DENND1B: variants seen among roughly 807,000 people sequenced by gnomAD.
DENND1B encodes the protein DENN domain containing 1B.
Under a neutral mutation model 90.1 loss-of-function variants are expected in DENND1B, and 59 were observed. The observed-to-expected ratio is 0.65, with a 90% CI of 0.53 to 0.81. The LOEUF is 0.81. Ranked by LOEUF, DENND1B falls within the 40% of genes least tolerant of loss-of-function variation. DENND1B has a pLI of 0.00. For missense variants in DENND1B, 862 were observed against 912.6 expected (o/e 0.94, Z 0.71); for synonymous variants, 337 against 324.6 (o/e 1.04, Z -0.41).
intron 2 of DENND1B, 129 bp downstream of exon 2, chr1:197,772,739 C>G (rs1656777458): frequency 2.8e-6 from 2 of 716,148 alleles, no homozygotes; most frequent in Admixed American, 3.0e-5. Flanking sequence ...GTGGGAGGAT[C>G]ACCTGAACCC....
intron 5 of DENND1B, among the ~76,000 whole-genome samples, chr1:197,665,470 A>G (rs772708862): frequency 6.6e-6 from 1 of 152,178 alleles, no homozygotes; most frequent in East Asian, 1.9e-4. Flanking sequence ...CATGTCACTA[A>G]GCAGACCACT....
At chr1:197,548,877 C>T (rs1345483216) in intron 16 of DENND1B, among the ~76,000 whole-genome samples, 2 of 151,878 alleles carry the variant, frequency 1.3e-5, no homozygotes, top group Non-Finnish European at 1.5e-5. Flanking sequence ...TCCCTTGCTT[C>T]GATGTTATGA....
chr1:197,728,171 C>T (rs1661823744), intron 2 of DENND1B, among the ~76,000 whole-genome samples: 1 of 152,114 alleles, frequency 6.6e-6, no homozygotes, highest in Admixed American at 6.6e-5. Flanking sequence ...CCACCCAATA[C>T]CATTCTAGAC....
upstream of DENND1B, among the ~76,000 whole-genome samples, chr1:197,778,841 C>T (rs1190088227): frequency 6.6e-6 from 1 of 152,018 alleles, no homozygotes; most frequent in Non-Finnish European, 1.5e-5. Context: ...CCCACCTCTT[C>T]TAGTTTGGAA....
intron 2 of DENND1B, among the ~76,000 whole-genome samples, chr1:197,772,285 G>A (rs567358992): frequency 2.0e-5 from 3 of 152,196 alleles, no homozygotes; most frequent in Middle Eastern, 3.4e-3. Context: ...CTTTACCAAC[G>A]AATGGTGAAG....
At chr1:197,547,938 G>A (rs1558226393) in intron 16 of DENND1B, among the ~76,000 whole-genome samples, 1 of 152,098 alleles carries the variant, frequency 6.6e-6, no homozygotes, top group Non-Finnish European at 1.5e-5. Flanking sequence ...AAAAATGGCT[G>A]AGTGGAAATC....
intron 13 of DENND1B, among the ~76,000 whole-genome samples, chr1:197,603,534 A>T (rs1397487722): frequency 1.3e-5 from 2 of 150,496 alleles, no homozygotes; most frequent in East Asian, 3.9e-4. Context: ...CAATACAGGT[A>T]AAAAAAAACT....
chr1:197,733,967 T>A, intron 2 of DENND1B: 1 of 492,018 alleles, frequency 2.0e-6, no homozygotes, highest in African/African-American at 2.1e-5. Flanking sequence ...TCTAATCTCT[T>A]GCATTTAAAA....
At chr1:197,681,282 T>C (rs996337363) in intron 3 of DENND1B, among the ~76,000 whole-genome samples, 6 of 152,126 alleles carry the variant, frequency 3.9e-5, no homozygotes, top group African/African-American at 1.4e-4. Context: ...CCAAACACAA[T>C]AGAAGCAAAC....
intron 12 of DENND1B, among the ~76,000 whole-genome samples, chr1:197,610,450 T>C (rs1323415777): frequency 1.9e-5 from 2 of 107,320 alleles, no homozygotes; most frequent in Non-Finnish European, 4.4e-5. Flanking sequence ...TGTAGAATCA[T>C]TATGCAAAAA....
intron 14 of DENND1B, among the ~76,000 whole-genome samples, chr1:197,587,997 T>C (rs1393261195): frequency 6.6e-6 from 1 of 151,592 alleles, no homozygotes; most frequent in East Asian, 1.9e-4. Context: ...AGACAGGAGG[T>C]GGAGCTCAAG....
chr1:197,603,357 C>A (rs1340723108), intron 13 of DENND1B, among the ~76,000 whole-genome samples: 1 of 151,164 alleles, frequency 6.6e-6, no homozygotes, highest in African/African-American at 2.4e-5. Flanking sequence ...CTGTTTCGGG[C>A]ACAGGCCTGA....
chr1:197,576,072 A>C (rs1571938411), intron 15 of DENND1B, among the ~76,000 whole-genome samples: 1 of 152,208 alleles, frequency 6.6e-6, no homozygotes, highest in Admixed American at 6.5e-5. Flanking sequence ...CTAGAACCTA[A>C]AGTATAATTT....
intron 2 of DENND1B, among the ~76,000 whole-genome samples, chr1:197,750,787 T>C (rs570817793): frequency 3.3e-5 from 5 of 152,320 alleles, no homozygotes; most frequent in Non-Finnish European, 5.9e-5. Context: ...CCTTTTGAAC[T>C]AACCCTTTTA....
At chr1:197,666,693 T>C (rs1654967032) in intron 5 of DENND1B, among the ~76,000 whole-genome samples, 1 of 152,172 alleles carries the variant, frequency 6.6e-6, no homozygotes, top group Non-Finnish European at 1.5e-5. Flanking sequence ...GCATAGTTGA[T>C]CTTCTCTCAT....
At chr1:197,657,753 A>G (rs1401971233) in intron 6 of DENND1B, among the ~76,000 whole-genome samples, 1 of 152,156 alleles carries the variant, frequency 6.6e-6, no homozygotes, top group African/African-American at 2.4e-5. Flanking sequence ...ACTTTTAGGT[A>G]TATACCCAAA....
chr1:197,769,671 T>C (rs1452736057), intron 2 of DENND1B, among the ~76,000 whole-genome samples: 1 of 152,128 alleles, frequency 6.6e-6, no homozygotes, highest in Non-Finnish European at 1.5e-5. Flanking sequence ...ATCTTATGTT[T>C]GTACTCCAAA....
intron 14 of DENND1B, among the ~76,000 whole-genome samples, chr1:197,591,980 GCACC>G (rs1275861559): frequency 1.3e-5 from 2 of 151,844 alleles, no homozygotes; most frequent in South Asian, 4.2e-4. Flanking sequence ...ATGGTGGCGG[GCACC>G]TGTAGTCCCT....
At chr1:197,725,290 G>A (rs992222087) in intron 2 of DENND1B, among the ~76,000 whole-genome samples, 1 of 152,102 alleles carries the variant, frequency 6.6e-6, no homozygotes, top group Non-Finnish European at 1.5e-5. Flanking sequence ...AGCAATGGAA[G>A]CCAGAAGACA....
Sources: allele counts gnomAD v4.1 joint callset (sites outside exome capture counted in the v4.1 genomes callset), GRCh38; gene constraint gnomAD v4.1.1; transcripts MANE v1.5; gene names NCBI Gene and HGNC (gene_info 2026-07-23, HGNC 2026-07-21).